The following SLC35B3 variants were observed in gnomAD, a reference collection of about 807,000 sequenced individuals.
The protein encoded by SLC35B3 is solute carrier family 35 member B3, also known as adenosine 3'-phospho 5'-phosphosulfate transporter 2.
A neutral mutation model predicts 44.1 loss-of-function variants in SLC35B3; 35 were observed. The observed-to-expected ratio is 0.79, with a 90% CI of 0.61 to 1.05. The LOEUF (loss-of-function observed/expected upper bound fraction) is 1.05. Ranked by LOEUF, SLC35B3 falls within the 50% of genes least tolerant of loss-of-function variation. The pLI is 0.00. For synonymous variants in SLC35B3, 146 were observed against 167.3 expected, an observed-to-expected ratio of 0.87 and a Z score of 0.98; for missense variants, 414 against 476.4, an observed-to-expected ratio of 0.87 and a Z score of 1.22.
rs962530229 is a variant in SLC35B3 at position 8,433,790 on chromosome 6, T to G, written c.3+595A>C. ...GTTTTATTAATAAGAACATCACTGG[T>G]GAGAAAGTGTGACTGATAAAGACCT... On this transcript the variant is annotated intron_variant, in intron 2 of 10. Transcript: ENST00000644923. This position sits in a 1 kb window ranked among gnomAD's most constrained non-coding sequence, Gnocchi z 4.1. 1.1e-4 allele frequency among the ~76,000 whole-genome samples: 17 copies of G among 151,956 alleles called. No homozygotes were observed. The highest frequency in any genetic ancestry group is 3.9e-4 in the African/African-American group (16 of 41,370).
At position 8,435,444 on chromosome 6, in the gene SLC35B3, C is replaced by A; in HGVS notation, c.-145G>T. ...CCCTGGTCCGTCGCCATCACCTCCT[C>A]TTCCTCCTCCTCCTCGCCCACTCCT... On this transcript the variant is annotated 5_prime_UTR_variant, in exon 1 of 11. Coordinates refer to ENST00000644923, the MANE Select transcript of SLC35B3 (RefSeq NM_001370476.2). This position sits in a 1 kb window ranked among gnomAD's most constrained non-coding sequence, Gnocchi z 5.5. 1 of 1,226,896 alleles carries A rather than the reference C, an allele frequency of 8.2e-7. No homozygotes were observed. Among genetic ancestry groups the A allele is most frequent in the Non-Finnish European group, 1.1e-6 (1 of 934,106 alleles). 76.0% of individuals were successfully genotyped at this position (1,226,896 alleles called of 1,614,324 possible). A position where few individuals can be genotyped will look rare whatever the true frequency, so the allele number is the denominator to read the frequency against.
Position 8,417,407 on chromosome 6 carries a change from C to T in SLC35B3, c.868G>A (p.Ala290Thr). The change falls in exon 8 of 11, where the codon GCA (alanine) becomes ACA (threonine). Residue 290 changes from alanine (A) to threonine (T), a missense_variant. By Grantham distance (58) the Ala-to-Thr change is moderately conservative. Transcript: ENST00000644923. ...TAAATGTGATTAGTGTTTACCTTTG[C>T]ACAAAATGTTACTGCAGGGCCTAAT... The T allele has an allele frequency of 1.3e-6, 2 of 1,580,732 alleles. No individual in the cohort carries two copies. The highest frequency in any genetic ancestry group is 1.7e-6 in the Non-Finnish European group (2 of 1,162,812).
chr6:8,423,946 G>A (rs1489097545), intron 4 of SLC35B3, among the ~76,000 whole-genome samples: 1 of 152,156 alleles, frequency 6.6e-6, no homozygotes, highest in African/African-American at 2.4e-5. Flanking sequence ...AATGATACAA[G>A]TCAAGGTGGT....
In SLC35B3 at chr6:8,428,017, C is replaced by T. The variant is rs200429479; in HGVS notation, c.339G>A (p.Trp113Ter). Residue 113 changes from tryptophan (W) to a stop codon, truncating the protein, a stop_gained, in exon 4 of 11, where the codon TGG (tryptophan) becomes TGA (stop). Coordinates refer to ENST00000644923, the MANE Select transcript of SLC35B3 (RefSeq NM_001370476.2). LOFTEE classifies it high-confidence loss of function. Reference sequence around the variant, plus strand: ...AGGCAAACTGCACTAAGGTAAGGTACCAGCCACAGGACTTAAAACCCTCCA... The same window carrying T: ...AGGCAAACTGCACTAAGGTAAGGTATCAGCCACAGGACTTAAAACCCTCCA... 1.1e-5 allele frequency: 18 copies of T among 1,608,916 alleles called. No homozygotes were observed. Among genetic ancestry groups the T allele is most frequent in the Non-Finnish European group, 1.5e-5 (18 of 1,177,210 alleles).
chr6:8,428,399 G>A (rs1021602332), intron 3 of SLC35B3, among the ~76,000 whole-genome samples: 1 of 152,102 alleles, frequency 6.6e-6, no homozygotes, highest in Admixed American at 6.5e-5. Flanking sequence ...AATTGAATAA[G>A]TCAAATTGAT....
intron 7 of SLC35B3, among the ~76,000 whole-genome samples, chr6:8,417,974 A>AATC (rs1389555586): frequency 6.6e-6 from 1 of 152,136 alleles, no homozygotes; most frequent in Non-Finnish European, 1.5e-5. Context: ...TCATAAACAG[A>AATC]ATCAGCAGCA....
In SLC35B3 at chr6:8,430,061, C is replaced by G; in HGVS notation, c.100G>C (p.Asp34His). 6.2e-7 allele frequency: 1 copy of G among 1,613,784 alleles called. No individual in the cohort carries two copies. Among genetic ancestry groups the G allele is most frequent in the East Asian group, 2.2e-5 (1 of 44,828 alleles). ...TTCCTGGAATTGTTGAACTTGAGAT[C>G]CATTGTTATTTTGCTGCATTCAATG... The change falls in exon 3 of 11, where the codon GAT becomes CAT. Residue 34 changes from aspartate (D) to histidine (H), a missense_variant. Coordinates refer to ENST00000644923, the MANE Select transcript of SLC35B3 (RefSeq NM_001370476.2).
rs999788776 is a variant in SLC35B3 at position 8,411,694 on chromosome 6, G to A, written c.*1855C>T. On this transcript the variant is annotated 3_prime_UTR_variant, in exon 11 of 11. Transcript: ENST00000644923. ...TGGACCCCTCCATGATACAGGCTCTGTTGTACCTGCATATGCACATAACAG... is the reference window on the plus strand; with the variant it reads ...TGGACCCCTCCATGATACAGGCTCTATTGTACCTGCATATGCACATAACAG... Among the ~76,000 whole-genome samples, 11 of 152,154 alleles carry A rather than the reference G, an allele frequency of 7.2e-5. No individual in the cohort carries two copies. The highest frequency in any genetic ancestry group is 2.4e-4 in the African/African-American group (10 of 41,420).
intron 9 of SLC35B3, among the ~76,000 whole-genome samples, chr6:8,415,404 C>T (rs1322127225): frequency 6.6e-6 from 1 of 152,068 alleles, no homozygotes; most frequent in Non-Finnish European, 1.5e-5. Context: ...TATAAGTAAC[C>T]ATTACAATCT....
intron 4 of SLC35B3, among the ~76,000 whole-genome samples, chr6:8,424,113 C>CA (rs1274364631): frequency 1.3e-5 from 2 of 152,174 alleles, no homozygotes; most frequent in Non-Finnish European, 2.9e-5. Context: ...AAAAGGAGCT[C>CA]AAAAAATTCT....
intron 2 of SLC35B3, among the ~76,000 whole-genome samples, chr6:8,430,913 A>AAAAAC (rs3032673): frequency 0.49 from 74,627 of 151,012 alleles, 19,260 homozygotes; most frequent in African/African-American, 0.67. Flanking sequence ...AATAAATGAA[A>AAAAAC]AAAACAAAAC....
intron 2 of SLC35B3, among the ~76,000 whole-genome samples, chr6:8,431,525 C>T (rs1561766090): frequency 6.6e-6 from 1 of 152,172 alleles, no homozygotes. Context: ...GCCACCACAA[C>T]ATTTTATAGG....
At position 8,429,886 on chromosome 6, in the gene SLC35B3, TA is replaced by T; in HGVS notation, c.274del (p.Tyr92ThrfsTer2). On this transcript the variant is annotated frameshift_variant, in exon 3 of 11. Coordinates refer to ENST00000644923, the MANE Select transcript of SLC35B3 (RefSeq NM_001370476.2). LOFTEE classifies it high-confidence loss of function. ...TACCTGTAAATACCCATAAATTAGGTAAAATACAAAAACTCCAGCAACACAT... is the reference window on the plus strand; with the variant it reads ...TACCTGTAAATACCCATAAATTAGGTAAATACAAAAACTCCAGCAACACAT... 1 of 1,594,872 alleles carries T rather than the reference TA, an allele frequency of 6.3e-7. No homozygotes were observed. Among genetic ancestry groups the T allele is most frequent in the Non-Finnish European group, 8.6e-7 (1 of 1,168,626 alleles).
rs537709377 is a variant in SLC35B3 at position 8,420,573 on chromosome 6, A to C, written c.682+148T>G. ...TCTACAGAGCTGTGATATTTTCACT[A>C]CATCTTATATGGAAAGTCCAAAAGC... On this transcript the variant is annotated intron_variant, in intron 6 of 10. Coordinates refer to ENST00000644923, the MANE Select transcript of SLC35B3 (RefSeq NM_001370476.2). This position sits in a 1 kb window ranked among gnomAD's most constrained non-coding sequence, Gnocchi z 4.4. 3 of 555,124 alleles carry C rather than the reference A, an allele frequency of 5.4e-6. No individual in the cohort carries two copies. In the East Asian group the frequency reaches 8.9e-5, roughly 16 times the overall value. The allele number at this position is 555,124 out of a possible 1,614,324, so 34.4% of individuals were successfully genotyped here.
chr6:8,431,848 A>C (rs918951566), intron 2 of SLC35B3, among the ~76,000 whole-genome samples: 14 of 152,182 alleles, frequency 9.2e-5, no homozygotes, highest in Non-Finnish European at 1.9e-4. Flanking sequence ...CCGGCCTTAC[A>C]TAGGTTTCTA....
chr6:8,413,444 G>T lies in SLC35B3; in HGVS notation c.*105C>A. 2.1e-6 allele frequency: 2 copies of T among 946,470 alleles called. No individual in the cohort carries two copies. The highest frequency in any genetic ancestry group is 3.1e-6 in the Non-Finnish European group (2 of 651,452). 58.6% of individuals were successfully genotyped at this position (946,470 alleles called of 1,614,324 possible). The stretch of plus-strand genomic sequence containing the variant: ...TCATATGAAATCTGTCCACAAATGG[G>T]ATAGCAATGCCTCCAGATCCTTTGG... On this transcript the variant is annotated 3_prime_UTR_variant, in exon 11 of 11. Transcript: ENST00000644923.
rs562584011 is a variant in SLC35B3 at position 8,434,540 on chromosome 6, CT to C, written c.-43-111del. ...CCTGTGCTAATGTTTGAAGACTATTCTTTTTTTTTTCCAAGAGAAAAAGTTA... is the reference window on the plus strand; with the variant it reads ...CCTGTGCTAATGTTTGAAGACTATTCTTTTTTTTTCCAAGAGAAAAAGTTA... On this transcript the variant is annotated intron_variant, in intron 1 of 10. Coordinates refer to ENST00000644923, the MANE Select transcript of SLC35B3 (RefSeq NM_001370476.2). The surrounding 1 kb of genome is among the most constrained non-coding windows in gnomAD (Gnocchi z 6.3). The C allele has an allele frequency of 3.1e-3, 2,331 of 747,284 alleles. No homozygotes were observed. The highest frequency in any genetic ancestry group is 5.4e-3 in the South Asian group (165 of 30,374). The allele number at this position is 747,284 out of a possible 1,614,324, so 46.3% of individuals were successfully genotyped here.
chr6:8,434,760 G>A lies in SLC35B3; in HGVS notation c.-43-330C>T, dbSNP rs1350234148. ...ACTCAACACTTAAGATTTTGTTAGC[G>A]CACCAAATCATTCCATCTTTTACTT... On this transcript the variant is annotated intron_variant, in intron 1 of 10. Coordinates refer to ENST00000644923, the MANE Select transcript of SLC35B3 (RefSeq NM_001370476.2). The surrounding 1 kb of genome is among the most constrained non-coding windows in gnomAD (Gnocchi z 6.3). 6.6e-6 allele frequency among the ~76,000 whole-genome samples: 1 copy of A among 152,012 alleles called. No homozygotes were observed. Among genetic ancestry groups the A allele is most frequent in the Non-Finnish European group, 1.5e-5 (1 of 68,008 alleles).
Position 8,416,086 on chromosome 6 carries a change from C to T in SLC35B3, c.985+798G>A, listed in dbSNP as rs539041880. Among the ~76,000 whole-genome samples, 4 of 152,272 alleles carry T rather than the reference C, an allele frequency of 2.6e-5. No individual in the cohort carries two copies. The South Asian group carries it at 8.3e-4, about 32-fold the overall frequency. On this transcript the variant is annotated intron_variant, in intron 9 of 10. Coordinates refer to ENST00000644923, the MANE Select transcript of SLC35B3 (RefSeq NM_001370476.2). ...TTGACTATGAGACAAGTCACTTAAC[C>T]TCCCCGTGCCTCAGTTTATCCATCT... is the stretch of plus-strand genomic sequence containing the variant.
Sources: allele counts gnomAD v4.1 joint callset (sites outside exome capture counted in the v4.1 genomes callset), GRCh38; gene constraint gnomAD v4.1.1; non-coding constraint Gnocchi (gnomAD v3.1); transcripts MANE v1.5; gene names NCBI Gene and HGNC (gene_info 2026-07-23, HGNC 2026-07-21).